FAM216A: variants seen among roughly 807,000 people sequenced by gnomAD.
The protein encoded by FAM216A is protein FAM216A.
Under a neutral mutation model 37.6 loss-of-function variants are expected in FAM216A, and 26 were observed. The observed-to-expected ratio is 0.69, with a 90% CI of 0.51 to 0.96. The LOEUF (loss-of-function observed/expected upper bound fraction) is 0.96. Among genes scored for constraint, FAM216A ranks in the 40% least tolerant of loss-of-function variants. The pLI is 0.00. For missense variants in FAM216A, 326 were observed against 339.3 expected (o/e 0.96, Z 0.31); for synonymous variants, 110 against 121.7 (o/e 0.90, Z 0.64).
intron 2 of FAM216A, among the ~76,000 whole-genome samples, chr12:110,475,087 C>G (rs1258712677): frequency 6.6e-6 from 1 of 152,086 alleles, no homozygotes; most frequent in Non-Finnish European, 1.5e-5. Flanking sequence ...CACTAATCTG[C>G]AGTGAACAAT....
At chr12:110,480,348 C>T (rs972836233) in intron 2 of FAM216A, among the ~76,000 whole-genome samples, 20 of 152,030 alleles carry the variant, frequency 1.3e-4, no homozygotes, top group African/African-American at 4.3e-4. Context: ...GGACTACAGG[C>T]GCCTGCCACC....
At chr12:110,470,287 A>C (rs918735208) in intron 1 of FAM216A, among the ~76,000 whole-genome samples, 4 of 151,350 alleles carry the variant, frequency 2.6e-5, no homozygotes, top group Non-Finnish European at 4.4e-5. Context: ...TTTAGTAGAG[A>C]CGGGGCTTCA....
Position 110,486,541 on chromosome 12 carries a change from C to A in FAM216A, c.444C>A (p.Leu148=). 2 of 1,612,884 alleles carry A rather than the reference C, an allele frequency of 1.2e-6. No homozygotes were observed. The highest frequency in any genetic ancestry group is 1.7e-6 in the Non-Finnish European group (2 of 1,179,132). ...AGGTGATTTGTATCACAGGTGTCCTCACTCATCACAGAAGCCGCCTTAGCT... is the reference window on the plus strand; with the variant it reads ...AGGTGATTTGTATCACAGGTGTCCTAACTCATCACAGAAGCCGCCTTAGCT... ...LQHSSQKPGV[L]THHRSRLSSR... is the part of the protein sequence containing the mutation. The change falls in exon 5 of 7, where the codon CTC becomes CTA. Residue 148 remains leucine, a synonymous_variant. Coordinates refer to ENST00000377673, the MANE Select transcript of FAM216A (RefSeq NM_013300.3).
chr12:110,474,043 TTGGTAAA>T (rs1426416156), intron 2 of FAM216A, among the ~76,000 whole-genome samples: 7 of 152,146 alleles, frequency 4.6e-5, no homozygotes. Flanking sequence ...TTGCTTTTCC[TTGGTAAA>T]TATATAGTCA....
chr12:110,469,231 A>G lies in FAM216A; in HGVS notation c.143+213A>G, dbSNP rs151021205. ...GCGGTTGAGGGAGGGTCTCTGAGGG[A>G]AGCTTCGGAGGAGCGTTTGGTGCAG... On this transcript the variant is annotated intron_variant, in intron 1 of 6. Transcript: ENST00000377673. 3,652 of 508,806 alleles carry G rather than the reference A, an allele frequency of 7.2e-3. 21 individuals are homozygous for G. The highest frequency in any genetic ancestry group is 0.021 in the Middle Eastern group (39 of 1,862). The allele number at this position is 508,806 out of a possible 1,614,324, so 31.5% of individuals were successfully genotyped here.
chr12:110,471,920 C>A (rs975098863), intron 1 of FAM216A, among the ~76,000 whole-genome samples: 3 of 152,138 alleles, frequency 2.0e-5, no homozygotes, highest in Non-Finnish European at 4.4e-5. Flanking sequence ...TTCTAGCACA[C>A]CTTAATTACT....
intron 2 of FAM216A, among the ~76,000 whole-genome samples, chr12:110,477,037 T>C (rs902889402): frequency 1.3e-5 from 2 of 152,202 alleles, no homozygotes; most frequent in African/African-American, 2.4e-5. Context: ...TGTTCTTTTG[T>C]AGAATTTCCC....
chr12:110,483,076 A>G (rs2062757027), intron 2 of FAM216A, among the ~76,000 whole-genome samples: 1 of 152,150 alleles, frequency 6.6e-6, no homozygotes, highest in Admixed American at 6.5e-5. Context: ...CTGCAACCCC[A>G]GCACTTTGGG....
chr12:110,482,086 CTTT>C (rs111250050), intron 2 of FAM216A, among the ~76,000 whole-genome samples: 1 of 96,894 alleles, frequency 1.0e-5, no homozygotes, highest in African/African-American at 2.8e-5. Context: ...TAACTATATA[CTTT>C]TTTTTTTTTT....
At chr12:110,469,797 T>C (rs2062670993) in intron 1 of FAM216A, among the ~76,000 whole-genome samples, 1 of 152,038 alleles carries the variant, frequency 6.6e-6, no homozygotes, top group South Asian at 2.1e-4. Context: ...GGGTGAACCA[T>C]TGCGCCCGAC....
chr12:110,472,899 C>T (rs2062694081), intron 1 of FAM216A, among the ~76,000 whole-genome samples, 179 bp from the exon 2 acceptor site: 1 of 137,732 alleles, frequency 7.3e-6, no homozygotes, highest in Non-Finnish European at 1.5e-5. Flanking sequence ...TCACTTGAAA[C>T]TGGGAGGCAG....
chr12:110,487,865 A>G lies in FAM216A; in HGVS notation c.625A>G (p.Lys209Glu). Reference protein sequence around the residue: ...WRPVRNKEGIKTGYASKTRCK... With the variant: ...WRPVRNKEGIETGYASKTRCK... ...AGATACTTCCCTTTCTTATAGGATA[A>G]AAACTGGATATGCATCTAAAACAAG... Residue 209 changes from lysine to glutamate, a missense_variant, in exon 6 of 7, where the codon AAA becomes GAA. Lys to Glu is a moderately conservative substitution (Grantham distance 56). Transcript: ENST00000377673. 1 of 1,588,142 alleles carries G rather than the reference A, an allele frequency of 6.3e-7. No individual in the cohort carries two copies. Among genetic ancestry groups the G allele is most frequent in the Non-Finnish European group, 8.6e-7 (1 of 1,158,316 alleles).
chr12:110,472,078 A>G (rs1018627829), intron 1 of FAM216A, among the ~76,000 whole-genome samples: 3 of 151,804 alleles, frequency 2.0e-5, no homozygotes, highest in Non-Finnish European at 4.4e-5. Context: ...CTAAAGATGG[A>G]AAAATTAGCC....
In FAM216A at chr12:110,468,920, C is replaced by T. The variant is rs944472815; in HGVS notation, c.45C>T (p.Ala15=). ...LLPHTARGLG[A]AEMPGQGPGS... Reference sequence around the variant, plus strand: ...CGCACACGGCTCGCGGTCTCGGCGCCGCGGAGATGCCCGGCCAGGGTCCGG... The same window carrying T: ...CGCACACGGCTCGCGGTCTCGGCGCTGCGGAGATGCCCGGCCAGGGTCCGG... The change falls in exon 1 of 7, where the codon GCC becomes GCT. Residue 15 remains alanine, a synonymous_variant. Transcript: ENST00000377673. The T allele has an allele frequency of 9.9e-6, 15 of 1,522,782 alleles. No homozygotes were observed. Among genetic ancestry groups the T allele is most frequent in the Non-Finnish European group, 1.3e-5 (15 of 1,137,868 alleles). The allele number at this position is 1,522,782 out of a possible 1,614,324, so 94.3% of individuals were successfully genotyped here.
At position 110,486,325 on chromosome 12, in the gene FAM216A, C is replaced by T; in HGVS notation, c.307C>T (p.His103Tyr). ...TAAATCCTCTTATTCTGTCTTTTAGCATCCAGACCTCACCACAGGCCAGAA... is the reference window on the plus strand; with the variant it reads ...TAAATCCTCTTATTCTGTCTTTTAGTATCCAGACCTCACCACAGGCCAGAA... ...KSMMEASFFK[H>Y]PDLTTGQKRY... Residue 103 changes from histidine (H) to tyrosine (Y), a missense_variant and splice_region_variant, in exon 4 of 7, where the codon CAT (histidine) becomes TAT (tyrosine). Coordinates refer to ENST00000377673, the MANE Select transcript of FAM216A (RefSeq NM_013300.3). 1 of 1,594,118 alleles carries T rather than the reference C, an allele frequency of 6.3e-7. No individual in the cohort carries two copies. The highest frequency in any genetic ancestry group is 8.6e-7 in the Non-Finnish European group (1 of 1,168,144).
At chr12:110,474,075 G>C (rs1203304896) in intron 2 of FAM216A, among the ~76,000 whole-genome samples, 2 of 151,590 alleles carry the variant, frequency 1.3e-5, no homozygotes, top group African/African-American at 2.4e-5. Context: ...AGTTACCTGG[G>C]AAAAAAATAT....
chr12:110,473,601 C>T (rs999369334), intron 2 of FAM216A, among the ~76,000 whole-genome samples: 1 of 152,136 alleles, frequency 6.6e-6, no homozygotes, highest in African/African-American at 2.4e-5. Flanking sequence ...TTTTTCTTGT[C>T]TGTTGGTACA....
intron 2 of FAM216A, 85 bp from the exon 3 acceptor site, chr12:110,484,993 C>T: frequency 2.8e-6 from 4 of 1,422,324 alleles, no homozygotes; most frequent in Non-Finnish European, 3.8e-6. Flanking sequence ...AGCCACCACA[C>T]CCGGCCTAAA....
At chr12:110,483,555 G>A (rs1177015088) in intron 2 of FAM216A, among the ~76,000 whole-genome samples, 1 of 152,196 alleles carries the variant, frequency 6.6e-6, no homozygotes, top group East Asian at 1.9e-4. Flanking sequence ...TGGGCATGGT[G>A]GCTCATGCCT....
Sources: gnomAD v4.1 joint callset for allele counts (sites outside exome capture counted in the v4.1 genomes callset) on GRCh38, gnomAD v4.1.1 for gene constraint, MANE v1.5 for transcripts, NCBI Gene and HGNC (gene_info 2026-07-23, HGNC 2026-07-21) for gene names.